UGT1A7: variants seen among roughly 807,000 people sequenced by gnomAD.
UGT1A7 encodes UDP glucuronosyltransferase family 1 member A7, also known as UDP-glucuronosyltransferase 1A7.
UGT1A7 carries 33 observed loss-of-function variants against 45.6 expected under a neutral mutation model. That is an observed-to-expected ratio of 0.72 (90% confidence interval 0.55 to 0.97). The LOEUF (loss-of-function observed/expected upper bound fraction) is 0.97. UGT1A7 is among the 50% of genes least tolerant of loss of function. UGT1A7 has a pLI of 0.00. For missense variants in UGT1A7, 684 were observed against 666.2 expected, an observed-to-expected ratio of 1.03 and a Z score of -0.29; for synonymous variants, 274 against 250.6, an observed-to-expected ratio of 1.09 and a Z score of -0.88.
At chr2:233,692,097 C>T (rs527331361) in intron 1 of UGT1A7, 1 of 152,210 alleles carries the variant, frequency 6.6e-6, no homozygotes, top group African/African-American at 2.4e-5. Flanking sequence ...ATTTGATCAC[C>T]GATGGGCAAC....
intron 1 of UGT1A7, among the ~76,000 whole-genome samples, chr2:233,764,876 A>G (rs1378500695): frequency 1.5e-5 from 2 of 134,982 alleles, no homozygotes; most frequent in Non-Finnish European, 3.3e-5. Flanking sequence ...AGCCCAAGGG[A>G]AAAGGCAAAG....
At chr2:233,725,981 C>T (rs28899190) in intron 1 of UGT1A7, among the ~76,000 whole-genome samples, 4,581 of 152,048 alleles carry the variant, frequency 0.03, 268 homozygotes, top group African/African-American at 0.1. Flanking sequence ...GCCTGGGAAA[C>T]GTGCTGAGAC....
At chr2:233,758,319 G>T (rs1559404648) in intron 1 of UGT1A7, among the ~76,000 whole-genome samples, 1 of 152,200 alleles carries the variant, frequency 6.6e-6, no homozygotes, top group South Asian at 2.1e-4. Flanking sequence ...AGCAGAAGCA[G>T]CCTCAAAAAG....
At chr2:233,747,362 G>C (rs765094554) in intron 1 of UGT1A7, 99 of 1,603,664 alleles carry the variant, frequency 6.2e-5, no homozygotes, top group Non-Finnish European at 7.6e-5. Flanking sequence ...CCGTGCGGGA[G>C]CTCCATGCCA....
At chr2:233,757,428 A>G (rs987166652) in intron 1 of UGT1A7, among the ~76,000 whole-genome samples, 8 of 151,196 alleles carry the variant, frequency 5.3e-5, no homozygotes, top group South Asian at 2.1e-4. Flanking sequence ...AAGAGAAGAA[A>G]AGTCACTTCT....
chr2:233,693,624 A>C, intron 1 of UGT1A7: 1 of 1,614,160 alleles, frequency 6.2e-7, no homozygotes, highest in Non-Finnish European at 8.5e-7. Context: ...ACTTTTTCCC[A>C]ACGAGTGGCC....
chr2:233,761,975 T>C (rs1697919951), intron 1 of UGT1A7, among the ~76,000 whole-genome samples: 1 of 152,208 alleles, frequency 6.6e-6, no homozygotes, highest in South Asian at 2.1e-4. Flanking sequence ...TGATATCACC[T>C]TCGGAGGTGA....
At chr2:233,691,929 A>G (rs2075065519) in intron 1 of UGT1A7, 1 of 152,370 alleles carries the variant, frequency 6.6e-6, no homozygotes, top group African/African-American at 2.4e-5. Flanking sequence ...GGAGCGATAA[A>G]CGTGAACAAA....
At chr2:233,750,527 A>G (rs552056379) in intron 1 of UGT1A7, 33 of 152,112 alleles carry the variant, frequency 2.2e-4, no homozygotes, top group Admixed American at 4.6e-4. Flanking sequence ...ACAATGGGGA[A>G]AATGGCTTCA....
chr2:233,729,993 G>T (rs1356280713), intron 1 of UGT1A7: 1 of 1,613,886 alleles, frequency 6.2e-7, no homozygotes, highest in Non-Finnish European at 8.5e-7. Flanking sequence ...CACTATCTCA[G>T]GTCTGTATTG....
At chr2:233,733,743 C>T (rs1444086929) in intron 1 of UGT1A7, among the ~76,000 whole-genome samples, 1 of 152,214 alleles carries the variant, frequency 6.6e-6, no homozygotes, top group Non-Finnish European at 1.5e-5. Context: ...CGATGTTCAT[C>T]AGGGATATTT....
At position 233,769,501 on chromosome 2, in the gene UGT1A7, A is replaced by G. The variant is rs773053251; in HGVS notation, c.1295+1062A>G. 30 of 1,612,628 alleles carry G rather than the reference A, an allele frequency of 1.9e-5. No homozygotes were observed. In the Admixed American group the frequency reaches 4.8e-4, roughly 26 times the overall value. ...TGTGCGTGTGTTTATGAGAGTGTCCATTGCTTTCTCCCATGGTTACCTCCT... is the reference window on the plus strand; with the variant it reads ...TGTGCGTGTGTTTATGAGAGTGTCCGTTGCTTTCTCCCATGGTTACCTCCT... On this transcript the variant is annotated intron_variant, in intron 4 of 4. Transcript: ENST00000373426. This position sits in a 1 kb window ranked among gnomAD's most constrained non-coding sequence, Gnocchi z 4.4.
intron 4 of UGT1A7, 90 bp downstream of exon 4, chr2:233,768,529 G>A (rs1019700183): frequency 2.7e-6 from 4 of 1,508,186 alleles, no homozygotes; most frequent in Non-Finnish European, 3.5e-6. Flanking sequence ...GCATTTAATA[G>A]CGTTGTTTCA....
intron 1 of UGT1A7, among the ~76,000 whole-genome samples, chr2:233,744,427 T>C (rs1221651523): frequency 2.0e-5 from 3 of 151,848 alleles, no homozygotes; most frequent in East Asian, 1.9e-4. Flanking sequence ...GTGGATTATA[T>C]CTATCATACG....
intron 1 of UGT1A7, chr2:233,743,818 G>T: frequency 1.5e-6 from 2 of 1,367,270 alleles, no homozygotes; most frequent in Non-Finnish European, 2.0e-6. Context: ...CAGGGTTTTT[G>T]TCGGGGTGCC....
At chr2:233,745,418 GATAA>G (rs1158575048) in intron 1 of UGT1A7, among the ~76,000 whole-genome samples, 1 of 151,578 alleles carries the variant, frequency 6.6e-6, no homozygotes, top group Non-Finnish European at 1.5e-5. Context: ...TCTTTTCTTT[GATAA>G]ATTGTGAGGC....
intron 1 of UGT1A7, among the ~76,000 whole-genome samples, chr2:233,685,504 A>T (rs1367783819): frequency 6.6e-6 from 1 of 152,240 alleles, no homozygotes; most frequent in African/African-American, 2.4e-5. Flanking sequence ...GGTTACAGCA[A>T]GAAAAGATCT....
At chr2:233,763,966 T>C (rs189385598) in intron 1 of UGT1A7, among the ~76,000 whole-genome samples, 68 of 152,296 alleles carry the variant, frequency 4.5e-4, no homozygotes, top group Admixed American at 7.2e-4. Flanking sequence ...GGTTGAGATA[T>C]ATGTGGGTTA....
intron 1 of UGT1A7, among the ~76,000 whole-genome samples, chr2:233,684,405 AT>A (rs1009932086): frequency 6.6e-6 from 1 of 152,160 alleles, no homozygotes; most frequent in Non-Finnish European, 1.5e-5. Flanking sequence ...TCACTCAGGT[AT>A]TGCCTGCAGC....
Sources: allele counts gnomAD v4.1 joint callset (sites outside exome capture counted in the v4.1 genomes callset), GRCh38; gene constraint gnomAD v4.1.1; non-coding constraint Gnocchi (gnomAD v3.1); transcripts MANE v1.5; gene names NCBI Gene and HGNC (gene_info 2026-07-23, HGNC 2026-07-21).